The following KDM4C variants were observed in gnomAD, a reference collection of about 807,000 sequenced individuals.
KDM4C encodes the protein lysine demethylase 4C.
A neutral mutation model predicts 129.3 loss-of-function variants in KDM4C; 81 were observed. The observed-to-expected ratio is 0.63, with a 90% CI of 0.52 to 0.75. KDM4C has a LOEUF of 0.75. KDM4C is among the 30% of genes least tolerant of loss of function. The probability of loss-of-function intolerance (pLI) is 0.00; values close to 1 mark genes in which losing one functional copy is unlikely to be tolerated. For synonymous variants in KDM4C, 573 were observed against 456.1 expected (o/e 1.26, Z -3.26); for missense variants, 1,457 against 1,304.0 (o/e 1.12, Z -1.81).
chr9:6,822,974 C>T (rs1833282332), intron 4 of KDM4C, among the ~76,000 whole-genome samples: 1 of 152,216 alleles, frequency 6.6e-6, no homozygotes, highest in Non-Finnish European at 1.5e-5. Flanking sequence ...GGTTTGTGTT[C>T]TGTCCTATTT....
At chr9:6,840,061 C>CTG (rs1173130851) in intron 4 of KDM4C, among the ~76,000 whole-genome samples, 1 of 151,724 alleles carries the variant, frequency 6.6e-6, no homozygotes, top group African/African-American at 2.4e-5. Flanking sequence ...AGGAGACTAA[C>CTG]TGTTCTGTTA....
Position 7,049,172 on chromosome 9 carries a change from G to A in KDM4C, c.2396G>A (p.Gly799Asp). The change falls in exon 17 of 22, where the codon GGC becomes GAC. Residue 799 changes from glycine (G) to aspartate (D), a missense_variant. Transcript: ENST00000381309. ...CCAGAAAGGACACAAATAGATGTAG[G>A]CAGAATACCTTTACAGAGGTTAAAA... Reference protein sequence around the residue: ...NVPERTQIDVGRIPLQRLKLK... With the variant: ...NVPERTQIDVDRIPLQRLKLK... The A allele has an allele frequency of 6.2e-7, 1 of 1,608,728 alleles. No homozygotes were observed. The highest frequency in any genetic ancestry group is 1.7e-5 in the Admixed American group (1 of 59,894).
chr9:7,031,242 A>G (rs955315888), intron 15 of KDM4C, among the ~76,000 whole-genome samples: 12 of 151,872 alleles, frequency 7.9e-5, no homozygotes, highest in African/African-American at 2.9e-4. Context: ...GGTTCACTGC[A>G]ACCTCTGCCT....
chr9:6,954,436 T>G (rs1828712670), intron 8 of KDM4C, among the ~76,000 whole-genome samples: 1 of 152,144 alleles, frequency 6.6e-6, no homozygotes, highest in Admixed American at 6.5e-5. Context: ...TTGAATAAAA[T>G]GAAGGATTTT....
At chr9:6,976,692 A>G (rs1832982828) in intron 8 of KDM4C, among the ~76,000 whole-genome samples, 1 of 152,194 alleles carries the variant, frequency 6.6e-6, no homozygotes, top group Admixed American at 6.5e-5. Flanking sequence ...CTTCAAGAGC[A>G]ATAACATTTT....
chr9:6,799,270 G>A (rs866649069), intron 2 of KDM4C, among the ~76,000 whole-genome samples: 3 of 152,360 alleles, frequency 2.0e-5, no homozygotes, highest in Non-Finnish European at 4.4e-5. Flanking sequence ...TCCAGCCTGG[G>A]CACCATTGAG....
chr9:6,832,724 CT>C (rs35060245), intron 4 of KDM4C, among the ~76,000 whole-genome samples: 45,615 of 119,336 alleles, frequency 0.38, 8,335 homozygotes, highest in Middle Eastern at 0.45. Context: ...TGTGCCCGGC[CT>C]TTTTTTTTTT....
At chr9:6,835,569 T>C in intron 4 of KDM4C, 1 of 1,057,536 alleles carries the variant, frequency 9.5e-7, no homozygotes, top group Non-Finnish European at 1.5e-6. Flanking sequence ...ATCCTTCAAA[T>C]GCTTCTAGGC....
At chr9:6,844,092 C>T (rs1217906263) in intron 4 of KDM4C, among the ~76,000 whole-genome samples, 1 of 152,142 alleles carries the variant, frequency 6.6e-6, no homozygotes, top group Non-Finnish European at 1.5e-5. Flanking sequence ...CTGCCTCAGC[C>T]TCCTAAAGTG....
intron 1 of KDM4C, among the ~76,000 whole-genome samples, chr9:6,746,264 T>TATATATATG: frequency 4.3e-5 from 1 of 23,324 alleles, no homozygotes; most frequent in East Asian, 6.8e-4. Flanking sequence ...ATATATATGT[T>TATATATATG]TTTTTTTTTT....
intron 1 of KDM4C, among the ~76,000 whole-genome samples, chr9:6,771,009 C>T (rs1320454459): frequency 6.7e-5 from 10 of 149,712 alleles, no homozygotes; most frequent in South Asian, 2.1e-4. Context: ...CTCCTGACCT[C>T]GTGATCCACC....
intron 5 of KDM4C, among the ~76,000 whole-genome samples, chr9:6,856,649 T>C (rs938996987): frequency 6.6e-6 from 1 of 151,288 alleles, no homozygotes; most frequent in African/African-American, 2.4e-5. Flanking sequence ...GATGGCTAAC[T>C]GCAGCCACAA....
chr9:6,777,411 A>T (rs759140567), intron 1 of KDM4C, among the ~76,000 whole-genome samples: 4 of 152,246 alleles, frequency 2.6e-5, no homozygotes, highest in African/African-American at 9.6e-5. Context: ...CTGTTAAGTC[A>T]TGCAAAGAGT....
chr9:6,747,458 G>T (rs1021828660), intron 1 of KDM4C, among the ~76,000 whole-genome samples: 3 of 140,482 alleles, frequency 2.1e-5, no homozygotes, highest in Admixed American at 7.8e-5. Context: ...TGAGGCAGGA[G>T]AATAGTGTGA....
intron 1 of KDM4C, among the ~76,000 whole-genome samples, chr9:6,767,969 G>A (rs1212393223): frequency 1.3e-5 from 2 of 151,046 alleles, no homozygotes; most frequent in Non-Finnish European, 3.0e-5. Flanking sequence ...ATTTCTTTTA[G>A]TATTTTCAAA....
At chr9:6,811,995 G>C (rs903473430) in intron 3 of KDM4C, among the ~76,000 whole-genome samples, 5 of 152,144 alleles carry the variant, frequency 3.3e-5, no homozygotes, top group Non-Finnish European at 5.9e-5. Flanking sequence ...ATTTTGTTTA[G>C]AATTAATATT....
At chr9:6,802,376 A>G (rs189922657) in intron 2 of KDM4C, among the ~76,000 whole-genome samples, 1,733 of 152,290 alleles carry the variant, frequency 0.011, 17 homozygotes, top group Non-Finnish European at 0.014. Context: ...CACGTATCCT[A>G]TGTGTCAGTA....
chr9:7,109,890 A>G (rs761426346), intron 18 of KDM4C, among the ~76,000 whole-genome samples: 7 of 152,152 alleles, frequency 4.6e-5, no homozygotes, highest in Non-Finnish European at 7.3e-5. Flanking sequence ...GGTAGAGGTA[A>G]TTGGATCATG....
chr9:7,170,566 A>G (rs1844855835), intron 21 of KDM4C: 2 of 953,800 alleles, frequency 2.1e-6, no homozygotes, highest in Non-Finnish European at 1.2e-6. Flanking sequence ...TAGACTTCAT[A>G]TTATTGTATC....
Sources: allele counts gnomAD v4.1 joint callset (sites outside exome capture counted in the v4.1 genomes callset), GRCh38; gene constraint gnomAD v4.1.1; transcripts MANE v1.5; gene names NCBI Gene and HGNC (gene_info 2026-07-23, HGNC 2026-07-21).